CAMK1D: variants seen among roughly 807,000 people sequenced by gnomAD.
CAMK1D encodes the protein calcium/calmodulin-dependent protein kinase type 1D.
Under a neutral mutation model 47.7 loss-of-function variants are expected in CAMK1D, and 9 were observed. The observed-to-expected ratio is 0.19, with a 90% CI of 0.11 to 0.33. The LOEUF (loss-of-function observed/expected upper bound fraction) is 0.33. CAMK1D is among the 10% of genes least tolerant of loss of function. CAMK1D has a pLI of 1.00. For synonymous variants in CAMK1D, 184 were observed against 184.9 expected, an observed-to-expected ratio of 0.99 and a Z score of 0.04; for missense variants, 291 against 488.7, an observed-to-expected ratio of 0.60 and a Z score of 3.81.
rs1268786171 is a variant in CAMK1D, at chr10:12,719,417, A to G, written c.300-41531A>G. Reference sequence around the variant, plus strand: ...AGTGAGACTGTGCCTCAGGAAAAAAAAAAAGAAAAGAAAAAAGAAAACTGT... The same window carrying G: ...AGTGAGACTGTGCCTCAGGAAAAAAGAAAAGAAAAGAAAAAAGAAAACTGT... On this transcript the variant is annotated intron_variant, in intron 3 of 10. Transcript: ENST00000619168. Among the ~76,000 whole-genome samples the G allele has an allele frequency of 3.6e-5, 4 of 112,220 alleles. No homozygotes were observed. The South Asian group carries it at 1.3e-3, about 37-fold the overall frequency. The allele number at this position is 112,220 out of a possible 152,430, so 73.6% of individuals were successfully genotyped here.
intron 3 of CAMK1D, among the ~76,000 whole-genome samples, chr10:12,671,257 C>T (rs771696016): frequency 2.8e-4 from 42 of 152,184 alleles, no homozygotes; most frequent in Admixed American, 7.2e-4. Flanking sequence ...ATGATGCAGG[C>T]ATTTTCATGT....
rs541324723 is a variant in CAMK1D, at chr10:12,410,925, A to G, written c.92+61015A>G. 4.9e-4 allele frequency among the ~76,000 whole-genome samples: 75 copies of G among 152,308 alleles called. 2 individuals are homozygous for G. The South Asian group carries it at 0.01, about 21-fold the overall frequency. On this transcript the variant is annotated intron_variant, in intron 1 of 10. Transcript: ENST00000619168. ...TTCTTGACTTTGTACTAATTGCCAA[A>G]GGCGGCAGAGGATGAGGACTTGTTG...
intron 3 of CAMK1D, among the ~76,000 whole-genome samples, chr10:12,718,860 A>T (rs908708823): frequency 6.6e-6 from 1 of 152,010 alleles, no homozygotes; most frequent in African/African-American, 2.4e-5. Context: ...TAACTGGGCC[A>T]CCTAACTCTC....
chr10:12,783,602 C>A (rs1229423983), intron 5 of CAMK1D, among the ~76,000 whole-genome samples: 1 of 152,124 alleles, frequency 6.6e-6, no homozygotes, highest in Non-Finnish European at 1.5e-5. Flanking sequence ...TACCACGAGC[C>A]CCACACCCAC....
intron 2 of CAMK1D, among the ~76,000 whole-genome samples, chr10:12,595,953 G>T (rs1838135902): frequency 6.6e-6 from 1 of 151,976 alleles, no homozygotes. Context: ...CTAAGTCTCT[G>T]CTTGGGGGAG....
At chr10:12,680,341 G>T (rs1051472545) in intron 3 of CAMK1D, among the ~76,000 whole-genome samples, 1 of 152,174 alleles carries the variant, frequency 6.6e-6, no homozygotes, top group Non-Finnish European at 1.5e-5. Flanking sequence ...TCAGCGCCTG[G>T]TCTCTCTGGG....
At chr10:12,426,002 A>G (rs191279118) in intron 1 of CAMK1D, among the ~76,000 whole-genome samples, 28 of 152,332 alleles carry the variant, frequency 1.8e-4, no homozygotes, top group Admixed American at 1.4e-3. Flanking sequence ...CATGCCAGGT[A>G]TATGTCACCT....
chr10:12,355,541 G>A (rs1350527128), intron 1 of CAMK1D, among the ~76,000 whole-genome samples: 1 of 151,930 alleles, frequency 6.6e-6, no homozygotes, highest in African/African-American at 2.4e-5. Context: ...GAGGTGGTTT[G>A]TATATTTGAC....
At chr10:12,392,252 A>T (rs187365678) in intron 1 of CAMK1D, among the ~76,000 whole-genome samples, 1 of 150,938 alleles carries the variant, frequency 6.6e-6, no homozygotes, top group East Asian at 2.0e-4. Context: ...CAGTGAGCCG[A>T]GATGGTGCCA....
chr10:12,488,244 C>T (rs1341821266), intron 1 of CAMK1D, among the ~76,000 whole-genome samples: 1 of 152,090 alleles, frequency 6.6e-6, no homozygotes, highest in East Asian at 1.9e-4. Flanking sequence ...GAGGTGGGTG[C>T]CCAAATCCCA....
chr10:12,605,451 C>T (rs184226188), intron 2 of CAMK1D, among the ~76,000 whole-genome samples: 2 of 151,818 alleles, frequency 1.3e-5, no homozygotes, highest in East Asian at 3.9e-4. Context: ...TATTTGCATC[C>T]GTGCCATCTT....
At chr10:12,470,680 C>A (rs1833719651) in intron 1 of CAMK1D, among the ~76,000 whole-genome samples, 1 of 152,112 alleles carries the variant, frequency 6.6e-6, no homozygotes, top group Non-Finnish European at 1.5e-5. Context: ...CAACACCCGG[C>A]TAATTTTTGT....
intron 4 of CAMK1D, among the ~76,000 whole-genome samples, chr10:12,766,361 CTTTTTTTTTTT>C (rs61097569): frequency 9.7e-6 from 1 of 103,376 alleles, no homozygotes; most frequent in South Asian, 3.3e-4. Flanking sequence ...TTGCCTGTTT[CTTTTTTTTTTT>C]TTTTTTTTGA....
chr10:12,824,555 A>G lies in CAMK1D; in HGVS notation c.921+3A>G, dbSNP rs768226034. On this transcript the variant is annotated splice_donor_region_variant and intron_variant, in intron 9 of 10. Coordinates refer to ENST00000619168, the MANE Select transcript of CAMK1D (RefSeq NM_153498.4). ...ACTTTGCCAAGAGCAAATGGAGAGT[A>G]AGTGTGGAGTATATGAAATTCCCCG... is the stretch of plus-strand genomic sequence containing the variant. The G allele has an allele frequency of 3.1e-6, 5 of 1,611,706 alleles. No homozygotes were observed. Among genetic ancestry groups the G allele is most frequent in the Non-Finnish European group, 3.4e-6 (4 of 1,177,982 alleles).
intron 3 of CAMK1D, among the ~76,000 whole-genome samples, chr10:12,694,993 AGT>A (rs1215168573): frequency 6.6e-6 from 1 of 152,086 alleles, no homozygotes; most frequent in East Asian, 1.9e-4. Flanking sequence ...TCCTCGTTGG[AGT>A]GGACCAATTC....
chr10:12,725,132 G>A (rs1437426393), intron 3 of CAMK1D: 1 of 153,842 alleles, frequency 6.5e-6, no homozygotes, highest in Non-Finnish European at 1.5e-5. Context: ...AGTCCTCTGT[G>A]GACTCAGCTT....
intron 1 of CAMK1D, among the ~76,000 whole-genome samples, chr10:12,443,749 C>G (rs1266716430): frequency 2.0e-5 from 3 of 152,166 alleles, no homozygotes; most frequent in Non-Finnish European, 4.4e-5. Context: ...CCTGCCTCAG[C>G]CTCCTGAGTA....
chr10:12,649,465 C>A (rs1024781450), intron 2 of CAMK1D, among the ~76,000 whole-genome samples: 1 of 152,182 alleles, frequency 6.6e-6, no homozygotes, highest in Admixed American at 6.5e-5. Context: ...GTAGCTGGTG[C>A]CTTCTGCATT....
rs1413018821 is a variant in CAMK1D at position 12,387,424 on chromosome 10, ATTT to A, written c.92+37516_92+37518del. On this transcript the variant is annotated intron_variant, in intron 1 of 10. Coordinates refer to ENST00000619168, the MANE Select transcript of CAMK1D (RefSeq NM_153498.4). ...TTTATATATTATATATATTTTATAT[ATTT>A]TATATATTATATATATTTTATATAT... 5.0e-3 allele frequency among the ~76,000 whole-genome samples: 363 copies of A among 73,014 alleles called. 1 individual carries two copies. Among genetic ancestry groups the A allele is most frequent in the African/African-American group, 9.9e-3 (219 of 22,146 alleles). The allele number at this position is 73,014 out of a possible 152,430, so 47.9% of individuals were successfully genotyped here. A position where few individuals can be genotyped will look rare whatever the true frequency, so the allele number is the denominator to read the frequency against.
Sources: allele counts gnomAD v4.1 joint callset (sites outside exome capture counted in the v4.1 genomes callset), GRCh38; gene constraint gnomAD v4.1.1; transcripts MANE v1.5; gene names NCBI Gene and HGNC (gene_info 2026-07-23, HGNC 2026-07-21).